Variants in PCLO observed in about 807,000 individuals in gnomAD.
PCLO encodes the protein protein piccolo.
A neutral mutation model predicts 427.5 loss-of-function variants in PCLO; 82 were observed. The ratio of observed to expected loss-of-function variants is 0.19; its 90% CI spans 0.16 to 0.23. The LOEUF is 0.23. PCLO is among the 10% of genes least tolerant of loss of function. PCLO has a pLI of 1.00. For missense variants in PCLO, 6,239 were observed against 6,115.9 expected, an observed-to-expected ratio of 1.02 and a Z score of -0.67; for synonymous variants, 2,357 against 2,155.4, an observed-to-expected ratio of 1.09 and a Z score of -2.59.
chr7:83,130,130 TTTGTTGTTGTTG>T (rs57722657), intron 3 of PCLO, among the ~76,000 whole-genome samples: 4 of 151,210 alleles, frequency 2.6e-5, no homozygotes, highest in Admixed American at 6.6e-5. Flanking sequence ...CCATTATGTT[TTTGTTGTTGTTG>T]TTGTTGTTGT....
intron 2 of PCLO, among the ~76,000 whole-genome samples, chr7:83,154,107 G>A (rs1272763872): frequency 6.6e-6 from 1 of 152,088 alleles, no homozygotes; most frequent in Non-Finnish European, 1.5e-5. Flanking sequence ...CTAACCCTTG[G>A]AAACATTAAG....
At position 82,941,866 on chromosome 7, in the gene PCLO, T is replaced by C. The variant is rs560466227; in HGVS notation, c.11112+7610A>G. 6.6e-5 allele frequency among the ~76,000 whole-genome samples: 10 copies of C among 152,274 alleles called. No homozygotes were observed. In the South Asian group the frequency reaches 1.9e-3, roughly 28 times the overall value. The stretch of plus-strand genomic sequence containing the variant: ...ATAGAATCCTAAATAATTAGTAATG[T>C]TTAGCAATTTAAACAGATATACAAA... On this transcript the variant is annotated intron_variant, in intron 6 of 24. Coordinates refer to ENST00000333891, the MANE Select transcript of PCLO (RefSeq NM_033026.6).
intron 9 of PCLO, among the ~76,000 whole-genome samples, chr7:82,892,089 A>G (rs1793781298): frequency 6.6e-6 from 1 of 152,098 alleles, no homozygotes; most frequent in South Asian, 2.1e-4. Context: ...TAAAGTTCAT[A>G]TGGAACCAAA....
At position 82,965,949 on chromosome 7, in the gene PCLO, A is replaced by G; in HGVS notation, c.3839T>C (p.Val1280Ala). The G allele has an allele frequency of 6.2e-7, 1 of 1,613,616 alleles. No homozygotes were observed. The highest frequency in any genetic ancestry group is 1.1e-5 in the South Asian group (1 of 91,048). Residue 1280 changes from valine to alanine, a missense_variant, in exon 4 of 25, where the codon GTG becomes GCG. Val to Ala is a moderately conservative substitution (Grantham distance 64, BLOSUM62 0). Transcript: ENST00000333891. Reference sequence around the variant, plus strand: ...CCCTTCTTGCACTGTCTTTGGAGCCACTCTGCCTTCAAGCTTTTCTTCAGC... The same window carrying G: ...CCCTTCTTGCACTGTCTTTGGAGCCGCTCTGCCTTCAAGCTTTTCTTCAGC... ...QIAEEKLEGR[V>A]APKTVQEGKQ...
intron 2 of PCLO, among the ~76,000 whole-genome samples, chr7:83,152,252 C>T (rs1464115424): frequency 6.6e-6 from 1 of 152,132 alleles, no homozygotes; most frequent in African/African-American, 2.4e-5. Flanking sequence ...GCATGAGCCA[C>T]CACGCCCGGC....
At chr7:83,106,738 A>C (rs6969639) in intron 3 of PCLO, among the ~76,000 whole-genome samples, 96,246 of 151,868 alleles carry the variant, frequency 0.63, 32,586 homozygotes, top group African/African-American at 0.89. Flanking sequence ...TAGGCTATAA[A>C]AAATTTAACT....
At chr7:82,833,716 C>A (rs1792156186) in intron 16 of PCLO, among the ~76,000 whole-genome samples, 1 of 128,748 alleles carries the variant, frequency 7.8e-6, no homozygotes, top group South Asian at 3.1e-4. Flanking sequence ...AGATAACCAA[C>A]CACTGGTCGC....
chr7:83,117,615 T>C (rs1335396877), intron 3 of PCLO, among the ~76,000 whole-genome samples: 1 of 152,186 alleles, frequency 6.6e-6, no homozygotes, highest in Non-Finnish European at 1.5e-5. Context: ...AGCTGAGTGT[T>C]CTTCACCTGT....
intron 6 of PCLO, among the ~76,000 whole-genome samples, chr7:82,947,561 C>T (rs1178954738): frequency 6.6e-6 from 1 of 152,140 alleles, no homozygotes; most frequent in South Asian, 2.1e-4. Flanking sequence ...GTGTTAACAA[C>T]ACTGCCTGTG....
Position 82,781,629 on chromosome 7 carries a change from G to T in PCLO, c.15007+19889C>A, listed in dbSNP as rs6942951. On this transcript the variant is annotated intron_variant, in intron 22 of 24. Transcript: ENST00000333891. The stretch of plus-strand genomic sequence containing the variant: ...CCCACAGCCCTTATTACAGTCTTTT[G>T]TTACAATGTTGGGTGTGTGAGGCTT... Among the ~76,000 whole-genome samples, 1,358 of 152,224 alleles carry T rather than the reference G, an allele frequency of 8.9e-3. 26 individuals carry two copies. The highest frequency in any genetic ancestry group is 0.031 in the African/African-American group (1,278 of 41,526).
chr7:82,805,376 A>T (rs1488812506), intron 21 of PCLO, among the ~76,000 whole-genome samples: 1 of 152,170 alleles, frequency 6.6e-6, no homozygotes, highest in Non-Finnish European at 1.5e-5. Flanking sequence ...TTTGGTCATT[A>T]TGTGATTAAA....
chr7:83,028,211 T>C (rs998787042), intron 3 of PCLO, among the ~76,000 whole-genome samples: 49 of 151,620 alleles, frequency 3.2e-4, no homozygotes, highest in African/African-American at 1.1e-3. Context: ...GAAAACCCCA[T>C]TGTCTCAGCC....
In PCLO at chr7:82,756,991, A is replaced by G. The variant is rs1229845607; in HGVS notation, c.*1584T>C. ...AGAATTAAAAAGATATGTAATAATT[A>G]TTCCTCACTTCTGTGTATAAAACTA... On this transcript the variant is annotated 3_prime_UTR_variant, in exon 25 of 25. Transcript: ENST00000333891. 1 of 152,162 alleles carries G rather than the reference A, an allele frequency of 6.6e-6. No individual in the cohort carries two copies. The highest frequency in any genetic ancestry group is 2.4e-5 in the African/African-American group (1 of 41,450). The allele number at this position is 152,162 out of a possible 1,614,324, so 9.4% of individuals were successfully genotyped here. A position where few individuals can be genotyped will look rare whatever the true frequency, so the allele number is the denominator to read the frequency against.
At chr7:82,990,139 T>G (rs1186997465) in intron 3 of PCLO, among the ~76,000 whole-genome samples, 2 of 152,070 alleles carry the variant, frequency 1.3e-5, no homozygotes, top group East Asian at 3.9e-4. Context: ...CCAGAGAGGT[T>G]GTAGGAGTTG....
chr7:83,034,335 T>G (rs1207422507), intron 3 of PCLO, among the ~76,000 whole-genome samples: 3 of 152,122 alleles, frequency 2.0e-5, no homozygotes, highest in Admixed American at 1.3e-4. Context: ...AATACAGGCA[T>G]GCACAACCAC....
In PCLO at chr7:82,954,741, C is replaced by G; in HGVS notation, c.6212G>C (p.Arg2071Thr). The change falls in exon 5 of 25, where the codon AGG (arginine) becomes ACG (threonine). Residue 2071 changes from arginine (R) to threonine (T), a missense_variant. Arg to Thr is a moderately conservative substitution (Grantham distance 71). This residue lies in a region of PCLO where 4,677 missense variants were observed against 4,468.4 expected (regional missense o/e 1.05). Coordinates refer to ENST00000333891, the MANE Select transcript of PCLO (RefSeq NM_033026.6). ...TCCAGGTGTTAATTGCATCTGTTGCCTCTTCATAAGTTCTTCATAGGCAGC... is the reference window on the plus strand; with the variant it reads ...TCCAGGTGTTAATTGCATCTGTTGCGTCTTCATAAGTTCTTCATAGGCAGC... The part of the protein sequence containing the change: ...ADAAYEELMK[R>T]QQMQLTPGSS... The G allele has an allele frequency of 6.2e-7, 1 of 1,613,784 alleles. No individual in the cohort carries two copies.
chr7:82,814,222 T>C (rs1791630003), intron 20 of PCLO, among the ~76,000 whole-genome samples: 1 of 151,600 alleles, frequency 6.6e-6, no homozygotes, highest in South Asian at 2.1e-4. Context: ...AAAATTGCTA[T>C]ATAAATTGAA....
rs140859967 is a variant in PCLO at position 83,044,340 on chromosome 7, C to T, written c.3301-77853G>A. ...CAAACCATATCATCCATAAAGTGTGCAAGTATAATAATTTGTGAGAAAAAT... is the reference window on the plus strand; with the variant it reads ...CAAACCATATCATCCATAAAGTGTGTAAGTATAATAATTTGTGAGAAAAAT... On this transcript the variant is annotated intron_variant, in intron 3 of 24. Transcript: ENST00000333891. Among the ~76,000 whole-genome samples, 139 of 152,158 alleles carry T rather than the reference C, an allele frequency of 9.1e-4. 1 individual carries two copies. The highest frequency in any genetic ancestry group is 2.9e-3 in the African/African-American group (122 of 41,496).
chr7:82,885,965 G>A (rs977727154), intron 9 of PCLO, among the ~76,000 whole-genome samples: 21 of 152,118 alleles, frequency 1.4e-4, no homozygotes, highest in Admixed American at 1.2e-3. Flanking sequence ...ACTGGGTTTA[G>A]AATCAGAAGG....
Sources: allele counts gnomAD v4.1 joint callset (sites outside exome capture counted in the v4.1 genomes callset), GRCh38; gene constraint gnomAD v4.1.1; regional missense constraint gnomAD v4.1.1; transcripts MANE v1.5; gene names NCBI Gene and HGNC (gene_info 2026-07-23, HGNC 2026-07-21).